R3HCC1L: variants seen among roughly 807,000 people sequenced by gnomAD.
R3HCC1L encodes R3H domain and coiled-coil containing 1 like.
In R3HCC1L, 51 loss-of-function variants were observed where a neutral mutation model predicts 59.9. The ratio of observed to expected loss-of-function variants is 0.85; its 90% CI spans 0.68 to 1.07. R3HCC1L has a LOEUF of 1.07. R3HCC1L is among the 50% of genes least tolerant of loss of function. The pLI is 0.00. For synonymous variants in R3HCC1L, 322 were observed against 315.2 expected (o/e 1.02, Z -0.23); for missense variants, 965 against 933.0 (o/e 1.03, Z -0.45).
chr10:98,186,252 A>T (rs1850216209), intron 4 of R3HCC1L, among the ~76,000 whole-genome samples: 1 of 152,160 alleles, frequency 6.6e-6, no homozygotes, highest in Non-Finnish European at 1.5e-5. Flanking sequence ...ATGGTAAATG[A>T]ACTTCTCTTG....
At chr10:98,232,509 A>G (rs1856510973) in intron 6 of R3HCC1L, among the ~76,000 whole-genome samples, 1 of 152,236 alleles carries the variant, frequency 6.6e-6, no homozygotes, top group Non-Finnish European at 1.5e-5. Flanking sequence ...TTAGCTTATA[A>G]GAAAAAAATA....
Position 98,180,620 on chromosome 10 carries a change from T to A in R3HCC1L, c.-15+17223T>A, listed in dbSNP as rs552394231. Among the ~76,000 whole-genome samples, 5 of 152,336 alleles carry A rather than the reference T, an allele frequency of 3.3e-5. No individual in the cohort carries two copies. The East Asian group carries it at 9.6e-4, about 29-fold the overall frequency. ...TGAGTTCAAGTCCTGGATATCCTTG[T>A]TAACCTTCTGTCTCGTTGATCTGTC... On this transcript the variant is annotated intron_variant, in intron 4 of 9. Coordinates refer to ENST00000298999, the MANE Select transcript of R3HCC1L (RefSeq NM_001351015.2).
chr10:98,182,815 A>C (rs1336055140), intron 4 of R3HCC1L, among the ~76,000 whole-genome samples: 1 of 152,170 alleles, frequency 6.6e-6, no homozygotes, highest in African/African-American at 2.4e-5. Flanking sequence ...AGTGGTGAGC[A>C]AGGCTCCGTG....
chr10:98,164,287 C>G (rs1489407538), intron 4 of R3HCC1L, among the ~76,000 whole-genome samples: 1 of 152,172 alleles, frequency 6.6e-6, no homozygotes, highest in African/African-American at 2.4e-5. Context: ...GAGCTGAGTT[C>G]AAACAAATTA....
chr10:98,208,141 A>G lies in R3HCC1L; in HGVS notation c.27A>G (p.Arg9=). 2 of 1,612,852 alleles carry G rather than the reference A, an allele frequency of 1.2e-6. No homozygotes were observed. Among genetic ancestry groups the G allele is most frequent in the Middle Eastern group, 1.7e-4 (1 of 6,052 alleles). The change falls in exon 5 of 10, where the codon AGA becomes AGG. Residue 9 remains arginine (R), a synonymous_variant. Transcript: ENST00000298999. ...TGCAGCAAGAATCAGAGAGATGCAG[A>G]GTTAGAGCCAGAAGGCCTGACATGG... The part of the protein sequence containing the change: MQQESERC[R]VRARRPDMAL...
rs775557593 is a variant in R3HCC1L, at chr10:98,209,785, C to T, written c.1671C>T (p.Ile557=). The part of the protein sequence containing the change: ...DRESSSMETS[I]EPKATETSHT... ...AATCATCATCTATGGAAACATCCATCGAACCAAAAGCAACTGAAACTTCTC... is the reference window on the plus strand; with the variant it reads ...AATCATCATCTATGGAAACATCCATTGAACCAAAAGCAACTGAAACTTCTC... The change falls in exon 5 of 10, where the codon ATC becomes ATT. Residue 557 remains isoleucine (I), a synonymous_variant. Coordinates refer to ENST00000298999, the MANE Select transcript of R3HCC1L (RefSeq NM_001351015.2). 1.2e-5 allele frequency: 19 copies of T among 1,613,650 alleles called. No individual in the cohort carries two copies. The highest frequency in any genetic ancestry group is 2.7e-5 in the African/African-American group (2 of 74,884).
intron 9 of R3HCC1L, among the ~76,000 whole-genome samples, chr10:98,237,668 A>G (rs971346962): frequency 6.6e-6 from 1 of 152,186 alleles, no homozygotes; most frequent in Non-Finnish European, 1.5e-5. Flanking sequence ...ACCCACTGTG[A>G]TAAGTTTCTC....
chr10:98,212,647 C>A (rs1853715854), intron 5 of R3HCC1L, among the ~76,000 whole-genome samples: 1 of 152,090 alleles, frequency 6.6e-6, no homozygotes, highest in South Asian at 2.1e-4. Context: ...TTTTTTTAGC[C>A]CTCTGAATTC....
At chr10:98,231,148 T>A (rs1331646781) in intron 5 of R3HCC1L, 4 of 328,108 alleles carry the variant, frequency 1.2e-5, no homozygotes. Context: ...AAAACAAATA[T>A]TATTAATTAA....
chr10:98,169,252 T>C (rs1848269752), intron 4 of R3HCC1L, among the ~76,000 whole-genome samples: 1 of 152,206 alleles, frequency 6.6e-6, no homozygotes, highest in Non-Finnish European at 1.5e-5. Flanking sequence ...AATGCATCAT[T>C]GTGAGACCAT....
At chr10:98,195,870 A>G (rs1851378402) in intron 4 of R3HCC1L, among the ~76,000 whole-genome samples, 1 of 152,216 alleles carries the variant, frequency 6.6e-6, no homozygotes, top group African/African-American at 2.4e-5. Context: ...AAAGCTGTAT[A>G]CTGACTATTG....
rs760357754 is a variant in R3HCC1L, at chr10:98,209,044, A to G, written c.930A>G (p.Ala310=). The G allele has an allele frequency of 1.9e-6, 3 of 1,613,678 alleles. No homozygotes were observed. The highest frequency in any genetic ancestry group is 2.5e-6 in the Non-Finnish European group (3 of 1,179,600). The change falls in exon 5 of 10, where the codon GCA becomes GCG. Residue 310 remains alanine (A), a synonymous_variant. Transcript: ENST00000298999. The part of the protein sequence containing the change: ...LDQKDTDSIP[A]TMGHISLSES... ...AAAAAGATACAGATTCCATTCCTGC[A>G]ACTATGGGTCACATCTCTCTGTCAG...
intron 4 of R3HCC1L, among the ~76,000 whole-genome samples, chr10:98,170,490 T>A (rs928677700): frequency 1.3e-5 from 2 of 152,116 alleles, no homozygotes; most frequent in African/African-American, 2.4e-5. Flanking sequence ...GCTAATTTTT[T>A]ATCTTGTTTT....
chr10:98,221,736 A>T (rs1014655637), intron 5 of R3HCC1L, among the ~76,000 whole-genome samples: 1 of 152,072 alleles, frequency 6.6e-6, no homozygotes, highest in African/African-American at 2.4e-5. Flanking sequence ...CCATTGATCT[A>T]TATGTCTGTT....
chr10:98,184,045 T>C (rs1849964290), intron 4 of R3HCC1L, among the ~76,000 whole-genome samples: 1 of 149,990 alleles, frequency 6.7e-6, no homozygotes, highest in Non-Finnish European at 1.5e-5. Context: ...ACATGCTTTG[T>C]CTTTTCCTGA....
chr10:98,177,980 A>G (rs1397043201), intron 4 of R3HCC1L, among the ~76,000 whole-genome samples: 1 of 152,128 alleles, frequency 6.6e-6, no homozygotes, highest in Non-Finnish European at 1.5e-5. Context: ...AGTAGATTGC[A>G]AACATTTTCT....
intron 4 of R3HCC1L, among the ~76,000 whole-genome samples, chr10:98,170,798 T>A (rs1433524513): frequency 6.6e-6 from 1 of 152,256 alleles, no homozygotes; most frequent in East Asian, 1.9e-4. Flanking sequence ...TCTGTTCATT[T>A]AGGTTAAGTC....
intron 4 of R3HCC1L, among the ~76,000 whole-genome samples, chr10:98,175,079 A>C (rs575236978): frequency 4.9e-4 from 75 of 152,170 alleles, no homozygotes; most frequent in Middle Eastern, 3.2e-3. Context: ...TAACGCGTGC[A>C]AAGTTGAGTA....
chr10:98,237,845 C>G (rs1009572692), intron 9 of R3HCC1L, among the ~76,000 whole-genome samples: 9 of 152,204 alleles, frequency 5.9e-5, no homozygotes, highest in African/African-American at 2.2e-4. Context: ...CTGCATGGAG[C>G]CCAGGCTTTA....
Sources: allele counts gnomAD v4.1 joint callset (sites outside exome capture counted in the v4.1 genomes callset), GRCh38; gene constraint gnomAD v4.1.1; transcripts MANE v1.5; gene names NCBI Gene and HGNC (gene_info 2026-07-23, HGNC 2026-07-21).